TPST1: variants seen among roughly 807,000 people sequenced by gnomAD.
TPST1 encodes the protein protein-tyrosine sulfotransferase 1.
In TPST1, 20 loss-of-function variants were observed where a neutral mutation model predicts 34.8. The observed-to-expected ratio is 0.57, with a 90% CI of 0.40 to 0.84. TPST1 has a LOEUF of 0.84. TPST1 is among the 40% of genes least tolerant of loss of function. TPST1 has a pLI of 0.00. For missense variants in TPST1, 353 were observed against 455.5 expected, an observed-to-expected ratio of 0.78 and a Z score of 2.05; for synonymous variants, 152 against 159.4, an observed-to-expected ratio of 0.95 and a Z score of 0.35.
At chr7:66,356,790 A>G (rs767442055) in intron 4 of TPST1, 35 bp from the exon 5 acceptor site, 3 of 1,613,944 alleles carry the variant, frequency 1.9e-6, no homozygotes, top group Admixed American at 3.3e-5. Flanking sequence ...GACCAACTTC[A>G]AGGACATTAA....
At chr7:66,317,106 C>T (rs1398750682) in intron 3 of TPST1, among the ~76,000 whole-genome samples, 1 of 152,224 alleles carries the variant, frequency 6.6e-6, no homozygotes, top group Non-Finnish European at 1.5e-5. Flanking sequence ...CATGGAAAGA[C>T]ATAAACATGC....
At chr7:66,204,998 G>A (rs1399430814), upstream of TPST1, among the ~76,000 whole-genome samples, 2 of 152,348 alleles carry the variant, frequency 1.3e-5, no homozygotes, top group East Asian at 1.9e-4. Context: ...TGGGGGCGGT[G>A]AGGACCGCCA....
At chr7:66,203,168 C>T (rs955085863), upstream of TPST1, among the ~76,000 whole-genome samples, 2 of 151,822 alleles carry the variant, frequency 1.3e-5, no homozygotes, top group African/African-American at 4.8e-5. Flanking sequence ...TGTGTATACA[C>T]CCACACACAT....
chr7:66,224,374 G>C (rs1225812425), intron 1 of TPST1, among the ~76,000 whole-genome samples: 1 of 152,228 alleles, frequency 6.6e-6, no homozygotes. Flanking sequence ...AGTGGTATTG[G>C]CTGTTGCTGT....
At chr7:66,252,642 T>C (rs1209676935) in intron 2 of TPST1, among the ~76,000 whole-genome samples, 1 of 152,216 alleles carries the variant, frequency 6.6e-6, no homozygotes, top group Non-Finnish European at 1.5e-5. Flanking sequence ...CAGTAGCTTA[T>C]CTTTTAACTT....
At chr7:66,317,456 A>C (rs552971564) in intron 3 of TPST1, among the ~76,000 whole-genome samples, 3 of 152,158 alleles carry the variant, frequency 2.0e-5, no homozygotes, top group Non-Finnish European at 2.9e-5. Context: ...TAGGCATCCT[A>C]TGTTTTGTTT....
intron 2 of TPST1, among the ~76,000 whole-genome samples, chr7:66,279,564 CTTTGT>C (rs1310875014): frequency 1.3e-5 from 2 of 152,066 alleles, no homozygotes; most frequent in Admixed American, 6.6e-5. Flanking sequence ...ATACTCTTTT[CTTTGT>C]TTTGTTTTGT....
At position 66,307,353 on chromosome 7, in the gene TPST1, C is replaced by G. The variant is rs549832476; in HGVS notation, c.1044+20644C>G. 2.2e-3 allele frequency among the ~76,000 whole-genome samples: 334 copies of G among 150,842 alleles called. 1 individual carries two copies. Among genetic ancestry groups the G allele is most frequent in the African/African-American group, 8.0e-3 (327 of 41,104 alleles). On this transcript the variant is annotated intron_variant, in intron 3 of 5. Coordinates refer to ENST00000304842, the MANE Select transcript of TPST1 (RefSeq NM_003596.4). ...CAGGATGGTCTCGATCTCTTGACTT[C>G]GTGATCCGCCCGCCTCGGCCTCCCA... is the stretch of plus-strand genomic sequence containing the variant.
chr7:66,320,629 A>G (rs1485739535), intron 3 of TPST1, among the ~76,000 whole-genome samples: 3 of 131,794 alleles, frequency 2.3e-5, no homozygotes, highest in Non-Finnish European at 4.9e-5. Flanking sequence ...ATGGAATTTC[A>G]CTCTTGTTGC....
At chr7:66,223,210 G>A (rs897751378) in intron 1 of TPST1, among the ~76,000 whole-genome samples, 1 of 152,058 alleles carries the variant, frequency 6.6e-6, no homozygotes. Context: ...ACTTTGGGAG[G>A]CTGATGTGGG....
chr7:66,303,534 A>G lies in TPST1; in HGVS notation c.1044+16825A>G, dbSNP rs1791361318. Among the ~76,000 whole-genome samples, 4 of 151,940 alleles carry G rather than the reference A, an allele frequency of 2.6e-5. 1 individual carries two copies. The highest frequency in any genetic ancestry group is 9.7e-5 in the African/African-American group (4 of 41,366). On this transcript the variant is annotated intron_variant, in intron 3 of 5. Coordinates refer to ENST00000304842, the MANE Select transcript of TPST1 (RefSeq NM_003596.4). ...AAGCAATTCTCCCACCTCAGCCCCTAGAGTAGCTGGTGTTACAGGTGCATG... is the reference window on the plus strand; with the variant it reads ...AAGCAATTCTCCCACCTCAGCCCCTGGAGTAGCTGGTGTTACAGGTGCATG...
chr7:66,272,982 G>A (rs1490960306), intron 2 of TPST1, among the ~76,000 whole-genome samples: 2 of 152,152 alleles, frequency 1.3e-5, no homozygotes, highest in Non-Finnish European at 2.9e-5. Flanking sequence ...CAGAAAGGAA[G>A]AAACTAAATT....
At chr7:66,323,186 T>C (rs1791792511) in intron 3 of TPST1, among the ~76,000 whole-genome samples, 1 of 152,162 alleles carries the variant, frequency 6.6e-6, no homozygotes, top group African/African-American at 2.4e-5. Flanking sequence ...TGCAAAATTG[T>C]GTTTCTTTAG....
intron 1 of TPST1, among the ~76,000 whole-genome samples, chr7:66,211,822 T>C (rs1175999831): frequency 1.3e-5 from 2 of 152,086 alleles, no homozygotes. Context: ...AATAATTAGC[T>C]GGGCATGGTG....
intron 2 of TPST1, among the ~76,000 whole-genome samples, chr7:66,248,169 T>C (rs1044832348): frequency 1.3e-5 from 2 of 152,262 alleles, no homozygotes; most frequent in South Asian, 4.1e-4. Flanking sequence ...AGAGAAATGA[T>C]GCGGACCAGG....
chr7:66,202,077 T>C (rs1584126218), upstream of TPST1, among the ~76,000 whole-genome samples: 1 of 152,298 alleles, frequency 6.6e-6, no homozygotes, highest in East Asian at 1.9e-4. Context: ...TTTAAATATA[T>C]ACAAATGGGT....
At chr7:66,351,671 CAA>C (rs749188820) in intron 3 of TPST1, among the ~76,000 whole-genome samples, 36 of 111,900 alleles carry the variant, frequency 3.2e-4, no homozygotes, top group Admixed American at 4.5e-4. Context: ...CCCTCCCCTC[CAA>C]AAAAAAAAAA....
chr7:66,258,255 G>A (rs1409401662), intron 2 of TPST1, among the ~76,000 whole-genome samples: 1 of 151,874 alleles, frequency 6.6e-6, no homozygotes, highest in Admixed American at 6.6e-5. Flanking sequence ...GTTATATTTT[G>A]TGTTTCTAAG....
intron 2 of TPST1, among the ~76,000 whole-genome samples, chr7:66,275,297 C>T (rs767627469): frequency 2.0e-5 from 3 of 152,092 alleles, no homozygotes; most frequent in Non-Finnish European, 4.4e-5. Flanking sequence ...TTGGTACAGC[C>T]GTTATGGAAA....
Sources: gnomAD v4.1 joint callset for allele counts (sites outside exome capture counted in the v4.1 genomes callset) on GRCh38, gnomAD v4.1.1 for gene constraint, MANE v1.5 for transcripts, NCBI Gene and HGNC (gene_info 2026-07-23, HGNC 2026-07-21) for gene names.